Variants in STK10 observed in about 807,000 individuals in gnomAD.
STK10 encodes serine/threonine kinase 10.
Under a neutral mutation model 113.8 loss-of-function variants are expected in STK10, and 78 were observed. The observed-to-expected ratio is 0.69, with a 90% CI of 0.57 to 0.83. The LOEUF (loss-of-function observed/expected upper bound fraction) is 0.83. Among genes scored for constraint, STK10 ranks in the 40% least tolerant of loss-of-function variants. STK10 has a pLI of 0.00. For synonymous variants in STK10, 465 were observed against 494.7 expected (o/e 0.94, Z 0.80); for missense variants, 1,109 against 1,280.1 (o/e 0.87, Z 2.04).
rs746509100 is a variant in STK10 at position 172,125,661 on chromosome 5, A to G, written c.370+1712T>C. Among the ~76,000 whole-genome samples the G allele has an allele frequency of 1.1e-3, 160 of 152,220 alleles. 1 individual carries two copies. The highest frequency in any genetic ancestry group is 1.9e-3 in the Non-Finnish European group (132 of 68,038). On this transcript the variant is annotated intron_variant, in intron 3 of 18. Transcript: ENST00000176763. ...CGGCCTCCCAAAGTGCTGGGACTAC[A>G]GGCGTGAGCCACCACACCCAGCCAA...
intron 2 of STK10, among the ~76,000 whole-genome samples, chr5:172,139,174 G>C (rs1769928085): frequency 6.6e-6 from 1 of 152,104 alleles, no homozygotes; most frequent in Non-Finnish European, 1.5e-5. Context: ...ATCTTTTACA[G>C]AAATAGAAAA....
intron 2 of STK10, among the ~76,000 whole-genome samples, chr5:172,149,889 T>C (rs991430167): frequency 2.0e-5 from 3 of 150,748 alleles, no homozygotes; most frequent in African/African-American, 4.9e-5. Flanking sequence ...CTACTAAATA[T>C]ACAAAAAATT....
intron 2 of STK10, among the ~76,000 whole-genome samples, chr5:172,142,529 A>G (rs1769996219): frequency 6.6e-6 from 1 of 152,154 alleles, no homozygotes; most frequent in Non-Finnish European, 1.5e-5. Flanking sequence ...ACCTAATGCA[A>G]TTTGAGAGCT....
At chr5:172,084,106 A>C (rs555539958) in intron 10 of STK10, among the ~76,000 whole-genome samples, 1 of 151,240 alleles carries the variant, frequency 6.6e-6, no homozygotes, top group South Asian at 2.1e-4. Context: ...GAAACATATT[A>C]AAAATAATAA....
chr5:172,105,681 C>G lies in STK10; in HGVS notation c.845G>C (p.Arg282Pro). 1 of 1,613,822 alleles carries G rather than the reference C, an allele frequency of 6.2e-7. No individual in the cohort carries two copies. The highest frequency in any genetic ancestry group is 8.5e-7 in the Non-Finnish European group (1 of 1,180,008). The change falls in exon 7 of 19, where the codon CGA becomes CCA. Residue 282 changes from arginine to proline, a missense_variant. Physicochemically the swap from Arg to Pro is moderately radical, Grantham distance 103. This residue lies in a region of STK10 where 885 missense variants were observed against 991.1 expected (regional missense o/e 0.89). Transcript: ENST00000176763. ...KIALDKNPETRPSAAQLLEHP... is the reference protein window; with the variant it reads ...KIALDKNPETPPSAAQLLEHP... ...CTCCAGCAGCTGCGCGGCACTGGGTCGGGTTTCTGGGTTCTTATCCAGGGC... is the reference window on the plus strand; with the variant it reads ...CTCCAGCAGCTGCGCGGCACTGGGTGGGGTTTCTGGGTTCTTATCCAGGGC...
chr5:172,092,363 G>C (rs916699585), intron 9 of STK10: 6 of 152,196 alleles, frequency 3.9e-5, no homozygotes, highest in Non-Finnish European at 7.3e-5. Context: ...CCACAGCCTT[G>C]AGAAGAGCAG....
intron 3 of STK10, among the ~76,000 whole-genome samples, chr5:172,124,331 C>T (rs1483416720): frequency 6.6e-6 from 1 of 152,166 alleles, no homozygotes; most frequent in Non-Finnish European, 1.5e-5. Context: ...CTCCCACATC[C>T]CAGACCTTTC....
rs1447287547 is a variant in STK10, at chr5:172,133,890, G to C, written c.322-6469C>G. 6.6e-6 allele frequency among the ~76,000 whole-genome samples: 1 copy of C among 152,190 alleles called. No individual in the cohort carries two copies. The highest frequency in any genetic ancestry group is 2.4e-5 in the African/African-American group (1 of 41,444). Reference sequence around the variant, plus strand: ...CTCTCCAGGTGGCAGACTCCAGGTTGTACCAGCTGAAAATGCTACACCAAC... The same window carrying C: ...CTCTCCAGGTGGCAGACTCCAGGTTCTACCAGCTGAAAATGCTACACCAAC... On this transcript the variant is annotated intron_variant, in intron 2 of 18. Transcript: ENST00000176763. The surrounding 1 kb of genome is among the most constrained non-coding windows in gnomAD (Gnocchi z 4.9).
At chr5:172,117,405 C>T in intron 4 of STK10, 76 bp downstream of exon 4, 1 of 1,564,988 alleles carries the variant, frequency 6.4e-7, no homozygotes, top group East Asian at 2.3e-5. Context: ...CACACTCCCA[C>T]TGGCCTGCAG....
intron 12 of STK10, among the ~76,000 whole-genome samples, chr5:172,078,619 TA>T (rs58823824): frequency 2.7e-4 from 20 of 72,864 alleles, no homozygotes; most frequent in East Asian, 1.4e-3. Context: ...GCCTCATCAT[TA>T]AAAAAAAAAA....
intron 4 of STK10, 85 bp downstream of exon 4, chr5:172,117,396 A>G (rs1769411216): frequency 3.2e-6 from 5 of 1,546,400 alleles, no homozygotes; most frequent in Non-Finnish European, 4.4e-6. Flanking sequence ...CATGAGGTCC[A>G]CACTCCCACT....
intron 7 of STK10, among the ~76,000 whole-genome samples, chr5:172,104,834 T>A (rs1022209558): frequency 6.6e-6 from 1 of 152,160 alleles, no homozygotes; most frequent in African/African-American, 2.4e-5. Flanking sequence ...GGAACTCTGG[T>A]CTGTGCCAGG....
chr5:172,068,264 C>T (rs554498463), intron 12 of STK10, among the ~76,000 whole-genome samples: 5 of 151,636 alleles, frequency 3.3e-5, no homozygotes, highest in Admixed American at 1.3e-4. Flanking sequence ...TGCTTGAACC[C>T]GGGAGGCACA....
At chr5:172,091,967 T>G (rs1274904778) in intron 9 of STK10, among the ~76,000 whole-genome samples, 3 of 151,886 alleles carry the variant, frequency 2.0e-5, no homozygotes, top group Non-Finnish European at 4.4e-5. Flanking sequence ...TCCTGCTGAG[T>G]CGAGAGGGGC....
At chr5:172,166,418 A>G (rs573925169) in intron 1 of STK10, among the ~76,000 whole-genome samples, 2 of 152,182 alleles carry the variant, frequency 1.3e-5, no homozygotes, top group South Asian at 4.2e-4. Flanking sequence ...GGGCTGTTCC[A>G]GCAAGGAACA....
At chr5:172,099,438 G>A (rs1329728137) in intron 7 of STK10, among the ~76,000 whole-genome samples, 2 of 152,208 alleles carry the variant, frequency 1.3e-5, no homozygotes, top group Non-Finnish European at 2.9e-5. Flanking sequence ...CTACTCAGGA[G>A]GCTGAGGCAG....
chr5:172,086,706 G>A (rs1479035852), intron 10 of STK10, among the ~76,000 whole-genome samples: 3 of 152,186 alleles, frequency 2.0e-5, no homozygotes. Flanking sequence ...GGATGATCAG[G>A]GCCTTCCACA....
At chr5:172,096,322 G>C (rs997237655) in intron 8 of STK10, 104 bp downstream of exon 8, 2 of 1,533,256 alleles carry the variant, frequency 1.3e-6, no homozygotes, top group African/African-American at 2.7e-5. Context: ...GCAATAAATT[G>C]CCTGAGCCAG....
intron 2 of STK10, among the ~76,000 whole-genome samples, chr5:172,144,228 A>G (rs562812522): frequency 6.6e-6 from 1 of 152,348 alleles, no homozygotes; most frequent in East Asian, 1.9e-4. Flanking sequence ...TGACTCCAAG[A>G]CACACGGACA....
Sources: gnomAD v4.1 joint callset for allele counts (sites outside exome capture counted in the v4.1 genomes callset) on GRCh38, gnomAD v4.1.1 for gene constraint, gnomAD v4.1.1 regional missense constraint, Gnocchi (gnomAD v3.1) non-coding constraint, MANE v1.5 for transcripts, NCBI Gene and HGNC (gene_info 2026-07-23, HGNC 2026-07-21) for gene names.